Variants in UHRF2 observed in about 807,000 individuals in gnomAD.
The protein encoded by UHRF2 is ubiquitin like with PHD and ring finger domains 2, also known as E3 ubiquitin-protein ligase UHRF2.
In UHRF2, 23 loss-of-function variants were observed where a neutral mutation model predicts 96.8. The observed-to-expected ratio is 0.24, with a 90% CI of 0.17 to 0.34. The LOEUF (loss-of-function observed/expected upper bound fraction) is 0.34. UHRF2 is among the 10% of genes least tolerant of loss of function. The pLI is 1.00. For synonymous variants in UHRF2, 385 were observed against 332.6 expected (o/e 1.16, Z -1.72); for missense variants, 685 against 981.5 (o/e 0.70, Z 4.04).
chr9:6,450,363 C>G (rs1176635182), intron 3 of UHRF2, among the ~76,000 whole-genome samples: 2 of 124,448 alleles, frequency 1.6e-5, no homozygotes, highest in Non-Finnish European at 3.2e-5. Flanking sequence ...TTTTCTCAGT[C>G]TGGATTTTAC....
Position 6,460,692 on chromosome 9 carries a change from A to G in UHRF2, c.764A>G (p.Glu255Gly). The G allele has an allele frequency of 6.2e-7, 1 of 1,613,972 alleles. No homozygotes were observed. Among genetic ancestry groups the G allele is most frequent in the Non-Finnish European group, 8.5e-7 (1 of 1,179,974 alleles). Residue 255 changes from glutamate (E) to glycine (G), a missense_variant, in exon 4 of 16, where the codon GAA (glutamate) becomes GGA (glycine). This residue lies in a region of UHRF2 where 391 missense variants were observed against 437.0 expected (regional missense o/e 0.89). Coordinates refer to ENST00000276893, the MANE Select transcript of UHRF2 (RefSeq NM_152896.3). ...GTGGTAATGGTTAATTATAATGTAGAAAGTCCTGGACAAAGAGGATTCTGG... is the reference window on the plus strand; with the variant it reads ...GTGGTAATGGTTAATTATAATGTAGGAAGTCCTGGACAAAGAGGATTCTGG... ...GDVVMVNYNV[E>G]SPGQRGFWFD...
At chr9:6,487,649 G>C (rs535569114) in intron 9 of UHRF2, among the ~76,000 whole-genome samples, 1 of 152,288 alleles carries the variant, frequency 6.6e-6, no homozygotes, top group African/African-American at 2.4e-5. Context: ...TTACAGGCGT[G>C]AGCCACCACA....
At chr9:6,500,140 G>GT (rs1359202133) in intron 13 of UHRF2, among the ~76,000 whole-genome samples, 2 of 151,974 alleles carry the variant, frequency 1.3e-5, no homozygotes, top group Non-Finnish European at 2.9e-5. Flanking sequence ...GCTAATTTTT[G>GT]TATCTTTTGT....
At chr9:6,419,883 G>T (rs1340935376) in intron 1 of UHRF2, among the ~76,000 whole-genome samples, 1 of 151,920 alleles carries the variant, frequency 6.6e-6, no homozygotes, top group Non-Finnish European at 1.5e-5. Flanking sequence ...GGGACCACAG[G>T]CATGTACAAT....
intron 4 of UHRF2, among the ~76,000 whole-genome samples, chr9:6,472,504 GA>G (rs1285526561): frequency 6.6e-6 from 1 of 152,166 alleles, no homozygotes; most frequent in Non-Finnish European, 1.5e-5. Context: ...AAAACTGGGG[GA>G]ATATTGTTCT....
chr9:6,414,832 C>G (rs1292622071), intron 1 of UHRF2, among the ~76,000 whole-genome samples: 1 of 152,164 alleles, frequency 6.6e-6, no homozygotes, highest in African/African-American at 2.4e-5. Flanking sequence ...TTCCTTCTCT[C>G]TTTAAAATAA....
At chr9:6,500,992 CA>C (rs1185680738) in intron 14 of UHRF2, among the ~76,000 whole-genome samples, 1 of 152,184 alleles carries the variant, frequency 6.6e-6, no homozygotes, top group Non-Finnish European at 1.5e-5. Context: ...GAAACATCGT[CA>C]TTTTAATCTA....
chr9:6,496,468 A>G (rs1473841195), intron 10 of UHRF2: 1 of 152,200 alleles, frequency 6.6e-6, no homozygotes, highest in African/African-American at 2.4e-5. Flanking sequence ...AGGTGAATGC[A>G]TATACTAAAT....
chr9:6,493,818 T>G lies in UHRF2; in HGVS notation c.1498-8T>G. 1.2e-6 allele frequency: 2 copies of G among 1,605,388 alleles called. No individual in the cohort carries two copies. The highest frequency in any genetic ancestry group is 1.7e-6 in the Non-Finnish European group (2 of 1,177,146). On this transcript the variant is annotated splice_polypyrimidine_tract_variant and splice_region_variant and intron_variant, in intron 9 of 15. Transcript: ENST00000276893. ...AGCTTTCTTAATAAAGAAAATCTTC[T>G]CTGACAGGACCGAGGTGATGAGTTC...
intron 9 of UHRF2, among the ~76,000 whole-genome samples, chr9:6,487,436 G>C (rs191186854): frequency 6.1e-4 from 92 of 151,860 alleles, no homozygotes; most frequent in African/African-American, 1.9e-3. Context: ...GCTCAGTCTC[G>C]GCTTACTGCA....
rs146175623 is a variant in UHRF2 at position 6,487,917 on chromosome 9, G to C, written c.1497+992G>C. 3.3e-3 allele frequency among the ~76,000 whole-genome samples: 506 copies of C among 152,168 alleles called. 3 individuals carry two copies. The highest frequency in any genetic ancestry group is 0.011 in the African/African-American group (464 of 41,516). ...TTTAAAATTAAACTTACTATTTTGA[G>C]ATAGTTGTAGATTCACGTGTAGCAT... On this transcript the variant is annotated intron_variant, in intron 9 of 15. Coordinates refer to ENST00000276893, the MANE Select transcript of UHRF2 (RefSeq NM_152896.3).
At chr9:6,465,101 C>T (rs1822779249) in intron 4 of UHRF2, among the ~76,000 whole-genome samples, 1 of 152,098 alleles carries the variant, frequency 6.6e-6, no homozygotes, top group South Asian at 2.1e-4. Context: ...CCCTGAATTA[C>T]ATTGTTGAAA....
Position 6,497,999 on chromosome 9 carries a change from C to T in UHRF2, c.1768-19C>T. ...CTAAATTTTAAATCTCAAACTGGCA[C>T]TGAAATATTGTGATTTAGGTGGTGA... On this transcript the variant is annotated intron_variant, in intron 11 of 15. Coordinates refer to ENST00000276893, the MANE Select transcript of UHRF2 (RefSeq NM_152896.3). 6.2e-7 allele frequency: 1 copy of T among 1,609,642 alleles called. No individual in the cohort carries two copies. The highest frequency in any genetic ancestry group is 8.5e-7 in the Non-Finnish European group (1 of 1,179,094).
chr9:6,428,386 A>C (rs1401710429), intron 2 of UHRF2, among the ~76,000 whole-genome samples: 1 of 152,076 alleles, frequency 6.6e-6, no homozygotes, highest in Non-Finnish European at 1.5e-5. Flanking sequence ...CCAGACTTCT[A>C]TGGTAATCAT....
At chr9:6,473,704 GGCCA>G (rs1344932431) in intron 4 of UHRF2, among the ~76,000 whole-genome samples, 1 of 152,004 alleles carries the variant, frequency 6.6e-6, no homozygotes, top group Non-Finnish European at 1.5e-5. Context: ...TTAACATGGG[GGCCA>G]GATGGTCTGT....
In UHRF2 at chr9:6,480,151, A is replaced by G. The variant is rs532913986; in HGVS notation, c.1161-1492A>G. On this transcript the variant is annotated intron_variant, in intron 6 of 15. Coordinates refer to ENST00000276893, the MANE Select transcript of UHRF2 (RefSeq NM_152896.3). Reference sequence around the variant, plus strand: ...CTCTACCCACCTTTGTCTTCCTCAAAGCATACCATTTCTTTTTATGCCTCA... The same window carrying G: ...CTCTACCCACCTTTGTCTTCCTCAAGGCATACCATTTCTTTTTATGCCTCA... Among the ~76,000 whole-genome samples, 157 of 152,272 alleles carry G rather than the reference A, an allele frequency of 1.0e-3. 3 individuals carry two copies. In the South Asian group the frequency reaches 0.019, roughly 18 times the overall value.
intron 9 of UHRF2, among the ~76,000 whole-genome samples, chr9:6,489,728 G>GTTTTTT (rs34069701): frequency 8.7e-5 from 10 of 114,690 alleles, no homozygotes; most frequent in East Asian, 2.4e-4. Context: ...TTGGGTTTTT[G>GTTTTTT]TTTTTTTTTT....
chr9:6,472,519 G>C (rs767591245), intron 4 of UHRF2, among the ~76,000 whole-genome samples: 2 of 152,170 alleles, frequency 1.3e-5, no homozygotes, highest in Non-Finnish European at 2.9e-5. Flanking sequence ...TTGTTCTCAT[G>C]AACCCTTCCT....
intron 14 of UHRF2, among the ~76,000 whole-genome samples, chr9:6,503,185 C>T (rs1002927564): frequency 5.3e-5 from 8 of 152,002 alleles, no homozygotes; most frequent in South Asian, 2.1e-4. Context: ...TTTCTAGAGA[C>T]GGTTTTGGCC....
Sources: gnomAD v4.1 joint callset for allele counts (sites outside exome capture counted in the v4.1 genomes callset) on GRCh38, gnomAD v4.1.1 for gene constraint, gnomAD v4.1.1 regional missense constraint, MANE v1.5 for transcripts, NCBI Gene and HGNC (gene_info 2026-07-23, HGNC 2026-07-21) for gene names.